The following DLG2 variants were observed in gnomAD, a reference collection of about 807,000 sequenced individuals.
DLG2 encodes the protein disks large homolog 2.
DLG2 carries 45 observed loss-of-function variants against 132.5 expected under a neutral mutation model. The ratio of observed to expected loss-of-function variants is 0.34; its 90% CI spans 0.27 to 0.44. The LOEUF (loss-of-function observed/expected upper bound fraction) is 0.44. DLG2 is among the 20% of genes least tolerant of loss of function. The pLI is 1.00. For synonymous variants in DLG2, 424 were observed against 419.6 expected (o/e 1.01, Z -0.13); for missense variants, 1,045 against 1,196.9 (o/e 0.87, Z 1.87).
chr11:83,708,455 A>G (rs966804173), intron 18 of DLG2, among the ~76,000 whole-genome samples: 1 of 152,218 alleles, frequency 6.6e-6, no homozygotes, highest in Non-Finnish European at 1.5e-5. Flanking sequence ...GTAAACAAAG[A>G]GGAGAAACAG....
chr11:83,507,758 T>TTATATATATATATATATATA (rs59086507), intron 21 of DLG2, among the ~76,000 whole-genome samples: 1 of 99,880 alleles, frequency 1.0e-5, no homozygotes, highest in Non-Finnish European at 1.9e-5. Context: ...TATATTTTTA[T>TTATATATATATATATATATA]TATATATATA....
chr11:83,658,491 GTAGC>G (rs1392096354), intron 18 of DLG2, among the ~76,000 whole-genome samples: 6 of 152,202 alleles, frequency 3.9e-5, no homozygotes, highest in Non-Finnish European at 5.9e-5. Flanking sequence ...GTTATTCTTA[GTAGC>G]TAAAGTATAT....
intron 9 of DLG2, among the ~76,000 whole-genome samples, chr11:84,155,754 T>C (rs1328398848): frequency 6.6e-6 from 1 of 152,176 alleles, no homozygotes; most frequent in Non-Finnish European, 1.5e-5. Flanking sequence ...CTGCAAGTAG[T>C]TCAGAATGAC....
intron 16 of DLG2, among the ~76,000 whole-genome samples, chr11:83,834,077 G>A (rs1057134761): frequency 6.6e-6 from 1 of 152,120 alleles, no homozygotes; most frequent in Non-Finnish European, 1.5e-5. Flanking sequence ...CACCACAGTA[G>A]TACTCAGTAT....
At chr11:84,805,733 G>A (rs1321301328) in intron 6 of DLG2, among the ~76,000 whole-genome samples, 2 of 152,150 alleles carry the variant, frequency 1.3e-5, no homozygotes, top group African/African-American at 4.8e-5. Flanking sequence ...GGCCTCCTCA[G>A]AAGCCAAGCA....
At chr11:84,044,125 C>T (rs1438068325) in intron 11 of DLG2, among the ~76,000 whole-genome samples, 1 of 151,694 alleles carries the variant, frequency 6.6e-6, no homozygotes, top group Non-Finnish European at 1.5e-5. Context: ...TGTGTCCTGG[C>T]TCTGTCATCA....
chr11:84,867,839 C>T (rs986756951), intron 6 of DLG2, among the ~76,000 whole-genome samples: 11 of 152,084 alleles, frequency 7.2e-5, no homozygotes, highest in African/African-American at 2.7e-4. Context: ...CTTTGGGAGG[C>T]CAAGGCGGGT....
At chr11:84,201,712 T>TG (rs2096596020) in intron 8 of DLG2, among the ~76,000 whole-genome samples, 1 of 151,900 alleles carries the variant, frequency 6.6e-6, no homozygotes, top group Admixed American at 6.6e-5. Flanking sequence ...ATGTATCAAT[T>TG]TTTTCTAGAT....
intron 3 of DLG2, among the ~76,000 whole-genome samples, chr11:85,303,585 C>A (rs1226781616): frequency 6.6e-6 from 1 of 152,114 alleles, no homozygotes; most frequent in Non-Finnish European, 1.5e-5. Context: ...TCATGTCTCC[C>A]AATCTCTATA....
intron 3 of DLG2, among the ~76,000 whole-genome samples, chr11:85,368,345 T>G (rs761313595): frequency 2.0e-5 from 3 of 152,246 alleles, no homozygotes; most frequent in Non-Finnish European, 4.4e-5. Context: ...TAGCCATCAC[T>G]TCTCAATAAA....
chr11:84,010,551 C>T (rs2094831677), intron 11 of DLG2, among the ~76,000 whole-genome samples: 1 of 151,982 alleles, frequency 6.6e-6, no homozygotes. Flanking sequence ...ATCCTCCTGC[C>T]TCCGTCTCCC....
intron 3 of DLG2, among the ~76,000 whole-genome samples, chr11:85,364,295 C>T (rs1212549685): frequency 6.6e-6 from 1 of 152,100 alleles, no homozygotes; most frequent in Non-Finnish European, 1.5e-5. Flanking sequence ...TCCAAACTGC[C>T]TTAGGGCTTT....
intron 3 of DLG2, among the ~76,000 whole-genome samples, chr11:85,545,641 T>C (rs2076265862): frequency 6.6e-6 from 1 of 152,192 alleles, no homozygotes; most frequent in Admixed American, 6.5e-5. Flanking sequence ...GTTGGTAGGC[T>C]ATTAATTGCT....
chr11:85,582,524 G>A (rs1233068329), intron 3 of DLG2, among the ~76,000 whole-genome samples: 2 of 151,496 alleles, frequency 1.3e-5, no homozygotes, highest in African/African-American at 4.8e-5. Context: ...ATAAAATCAT[G>A]TAGAATATTA....
intron 3 of DLG2, among the ~76,000 whole-genome samples, chr11:85,581,671 T>C (rs1242886149): frequency 1.3e-5 from 2 of 152,030 alleles, no homozygotes; most frequent in East Asian, 1.9e-4. Flanking sequence ...GGCCTTCTCT[T>C]ACCTGCTAGG....
At chr11:85,503,981 A>C (rs147016744) in intron 3 of DLG2, among the ~76,000 whole-genome samples, 7 of 152,024 alleles carry the variant, frequency 4.6e-5, no homozygotes, top group African/African-American at 1.7e-4. Flanking sequence ...GCATTTTGTC[A>C]TGTGTCTGTT....
chr11:84,857,567 C>A (rs994253480), intron 6 of DLG2, among the ~76,000 whole-genome samples: 1 of 152,054 alleles, frequency 6.6e-6, no homozygotes, highest in Admixed American at 6.6e-5. Flanking sequence ...GAAACATAAG[C>A]AAATGTTTTA....
intron 8 of DLG2, among the ~76,000 whole-genome samples, chr11:84,169,815 G>A (rs1228734112): frequency 6.6e-6 from 1 of 151,400 alleles, no homozygotes; most frequent in Non-Finnish European, 1.5e-5. Flanking sequence ...AGAGGTTACA[G>A]TGAGCCGAGT....
intron 3 of DLG2, among the ~76,000 whole-genome samples, chr11:85,527,049 A>G (rs1598282074): frequency 2.0e-5 from 3 of 152,326 alleles, no homozygotes; most frequent in Admixed American, 2.0e-4. Flanking sequence ...ACCAACTTTT[A>G]AAATGGGCAA....
Sources: gnomAD v4.1 joint callset for allele counts (sites outside exome capture counted in the v4.1 genomes callset) on GRCh38, gnomAD v4.1.1 for gene constraint, MANE v1.5 for transcripts, NCBI Gene and HGNC (gene_info 2026-07-23, HGNC 2026-07-21) for gene names.